The following SPIDR variants were observed in gnomAD, a reference collection of about 807,000 sequenced individuals.
SPIDR encodes scaffold protein involved in DNA repair.
Under a neutral mutation model 104.6 loss-of-function variants are expected in SPIDR, and 93 were observed. The ratio of observed to expected loss-of-function variants is 0.89; its 90% CI spans 0.75 to 1.06. The LOEUF is 1.06. Among genes scored for constraint, SPIDR ranks in the 50% least tolerant of loss-of-function variants. SPIDR has a pLI of 0.00. For synonymous variants in SPIDR, 431 were observed against 416.9 expected (o/e 1.03, Z -0.41); for missense variants, 1,154 against 1,111.2 (o/e 1.04, Z -0.55).
intron 11 of SPIDR, among the ~76,000 whole-genome samples, chr8:47,687,618 G>T (rs905635667): frequency 4.6e-5 from 7 of 152,164 alleles, no homozygotes; most frequent in African/African-American, 1.7e-4. Context: ...AATAAATAAA[G>T]CTCACTCATT....
chr8:47,439,608 C>T (rs970851737), intron 7 of SPIDR, among the ~76,000 whole-genome samples: 1 of 152,144 alleles, frequency 6.6e-6, no homozygotes, highest in Middle Eastern at 3.2e-3. Context: ...TGGGTACCTA[C>T]CTAAGATTTC....
chr8:47,706,676 G>A (rs191613050), intron 14 of SPIDR, among the ~76,000 whole-genome samples: 16 of 152,160 alleles, frequency 1.1e-4, no homozygotes, highest in African/African-American at 3.9e-4. Context: ...TTATAATTAT[G>A]TTGTCTTATG....
chr8:47,262,996 GA>G lies in SPIDR; in HGVS notation c.33+2007del, dbSNP rs372592500. ...ATTGGCTACATCATAATTTACTGCAGAACTTATCCTGTGTTTAGTGCTTTAT... is the reference window on the plus strand; with the variant it reads ...ATTGGCTACATCATAATTTACTGCAGACTTATCCTGTGTTTAGTGCTTTAT... On this transcript the variant is annotated intron_variant, in intron 1 of 19. Coordinates refer to ENST00000297423, the MANE Select transcript of SPIDR (RefSeq NM_001080394.4). 3.1e-3 allele frequency among the ~76,000 whole-genome samples: 465 copies of G among 152,262 alleles called. 1 individual carries two copies. The highest frequency in any genetic ancestry group is 0.011 in the African/African-American group (454 of 41,560).
intron 8 of SPIDR, among the ~76,000 whole-genome samples, chr8:47,519,500 A>G (rs151208124): frequency 0.011 from 1,630 of 152,318 alleles, 10 homozygotes; most frequent in Non-Finnish European, 0.016. Flanking sequence ...GCTTTGGTCA[A>G]GCGCAGTGGC....
At chr8:47,680,766 C>T (rs1254158825) in intron 11 of SPIDR, among the ~76,000 whole-genome samples, 1 of 152,216 alleles carries the variant, frequency 6.6e-6, no homozygotes, top group Admixed American at 6.5e-5. Flanking sequence ...AAAATTGTTC[C>T]TGGTGACTTC....
chr8:47,491,630 A>G (rs1368789426), intron 8 of SPIDR, among the ~76,000 whole-genome samples: 1 of 152,124 alleles, frequency 6.6e-6, no homozygotes, highest in Non-Finnish European at 1.5e-5. Flanking sequence ...GCTGAGGGCC[A>G]GGGGCAGCTG....
At chr8:47,691,184 G>T (rs2154479460) in intron 11 of SPIDR, among the ~76,000 whole-genome samples, 1 of 151,046 alleles carries the variant, frequency 6.6e-6, no homozygotes, top group East Asian at 2.0e-4. Context: ...CCCAGCTACT[G>T]GGAGCCCGAA....
Position 47,724,901 on chromosome 8 carries a change from C to T in SPIDR, c.2342-2299C>T, listed in dbSNP as rs576289775. Among the ~76,000 whole-genome samples the T allele has an allele frequency of 2.7e-4, 41 of 152,220 alleles. No homozygotes were observed. The South Asian group carries it at 7.9e-3, about 29-fold the overall frequency. On this transcript the variant is annotated intron_variant, in intron 16 of 19. Transcript: ENST00000297423. The stretch of plus-strand genomic sequence containing the variant: ...CTTCTGGGGTGAAGTCGTTTGGCAG[C>T]GCTGGTTTTCCCTCCCTCACTCTGC...
At chr8:47,307,232 CT>C (rs781836480) in intron 5 of SPIDR, among the ~76,000 whole-genome samples, 363 of 138,810 alleles carry the variant, frequency 2.6e-3, no homozygotes, top group Admixed American at 2.9e-3. Context: ...TTTCTTTCTT[CT>C]TTTTTTTTTT....
intron 8 of SPIDR, among the ~76,000 whole-genome samples, chr8:47,567,816 TGCTTTGTCACCCAG>T (rs2058078859): frequency 2.1e-5 from 3 of 143,838 alleles, no homozygotes; most frequent in Non-Finnish European, 4.5e-5. Flanking sequence ...GACAGAGTCT[TGCTTTGTCACCCAG>T]GCTGAAGTGC....
In SPIDR at chr8:47,728,956, G is replaced by C. The variant is rs2084756348; in HGVS notation, c.2459G>C (p.Cys820Ser). Residue 820 changes from cysteine (C) to serine (S), a missense_variant, in exon 18 of 20, where the codon TGC (cysteine) becomes TCC (serine). Coordinates refer to ENST00000297423, the MANE Select transcript of SPIDR (RefSeq NM_001080394.4). ...EDRGAFSCGD[C>S]SRVVTSPVLK... The stretch of plus-strand genomic sequence containing the variant: ...AGAGGCGCCTTTTCCTGTGGGGACT[G>C]CTCCCGGGTGGTCACATCTCCTGTT... 2 of 1,613,706 alleles carry C rather than the reference G, an allele frequency of 1.2e-6. No individual in the cohort carries two copies. Among genetic ancestry groups the C allele is most frequent in the Middle Eastern group, 1.6e-4 (1 of 6,062 alleles).
chr8:47,392,034 A>G (rs2060659488), intron 5 of SPIDR, among the ~76,000 whole-genome samples: 1 of 151,544 alleles, frequency 6.6e-6, no homozygotes, highest in Admixed American at 6.6e-5. Context: ...AAAAGAAACC[A>G]AGAAAAAAGT....
intron 8 of SPIDR, among the ~76,000 whole-genome samples, chr8:47,452,301 G>A (rs2071953256): frequency 6.6e-6 from 1 of 152,090 alleles, no homozygotes; most frequent in African/African-American, 2.4e-5. Context: ...AACTATGGGG[G>A]CCAGAAAGCA....
chr8:47,393,870 G>A (rs1056439803), intron 5 of SPIDR, among the ~76,000 whole-genome samples: 2 of 132,952 alleles, frequency 1.5e-5, no homozygotes, highest in Admixed American at 8.4e-5. Flanking sequence ...CCGTCCTTCC[G>A]TCCTTTGTCC....
chr8:47,343,944 A>G (rs2051304606), intron 5 of SPIDR, among the ~76,000 whole-genome samples: 1 of 151,192 alleles, frequency 6.6e-6, no homozygotes, highest in South Asian at 2.1e-4. Context: ...GGGCCATTTT[A>G]TGTATTTTGT....
intron 5 of SPIDR, among the ~76,000 whole-genome samples, chr8:47,376,173 G>A (rs1383618160): frequency 6.6e-6 from 1 of 152,168 alleles, no homozygotes; most frequent in African/African-American, 2.4e-5. Context: ...GAACTGAGCA[G>A]GAATTGAAGA....
At chr8:47,430,425 C>T (rs1466692756) in intron 7 of SPIDR, among the ~76,000 whole-genome samples, 8 of 152,090 alleles carry the variant, frequency 5.3e-5, no homozygotes, top group South Asian at 2.1e-4. Flanking sequence ...TGTCCTTTAT[C>T]GATAGTCATT....
At chr8:47,515,855 G>A (rs965997850) in intron 8 of SPIDR, among the ~76,000 whole-genome samples, 5 of 152,206 alleles carry the variant, frequency 3.3e-5, no homozygotes, top group Admixed American at 6.5e-5. Flanking sequence ...CTGTCACCCA[G>A]GCTGGAGTGC....
chr8:47,276,421 C>T (rs1743087634), intron 1 of SPIDR, among the ~76,000 whole-genome samples: 5 of 152,166 alleles, frequency 3.3e-5, no homozygotes, highest in Non-Finnish European at 7.3e-5. Flanking sequence ...TCTCTTTGTA[C>T]ATTACCCTGT....
Sources: allele counts gnomAD v4.1 joint callset (sites outside exome capture counted in the v4.1 genomes callset), GRCh38; gene constraint gnomAD v4.1.1; transcripts MANE v1.5; gene names NCBI Gene and HGNC (gene_info 2026-07-23, HGNC 2026-07-21).